Variants in DNMT3A observed in about 807,000 individuals in gnomAD.
DNMT3A encodes DNA (cytosine-5)-methyltransferase 3A.
In DNMT3A, 267 loss-of-function variants were observed where a neutral mutation model predicts 117.6. The observed-to-expected ratio is 2.27, with a 90% CI of 2.05 to 2.51. The LOEUF (loss-of-function observed/expected upper bound fraction) is 2.51, where lower values mean the gene tolerates loss of function less well. DNMT3A is among the 30% of genes most tolerant of loss of function. DNMT3A has a pLI of 0.00. For synonymous variants in DNMT3A, 432 were observed against 474.8 expected (o/e 0.91, Z 1.17); for missense variants, 1,029 against 1,260.2 (o/e 0.82, Z 2.78).
Position 25,282,000 on chromosome 2 carries a change from C to T in DNMT3A, c.448+441G>A. ...CCAGGGGCTACAAATACAGCAACCC[C>T]CAGGAACTGCATGGCACGTGGGAGA... On this transcript the variant is annotated intron_variant, in intron 4 of 22. Coordinates refer to ENST00000321117, the MANE Select transcript of DNMT3A (RefSeq NM_022552.5). This position sits in a 1 kb window ranked among gnomAD's most constrained non-coding sequence, Gnocchi z 4.8. 9.0e-7 allele frequency: 1 copy of T among 1,107,978 alleles called. No homozygotes were observed. The highest frequency in any genetic ancestry group is 1.1e-6 in the Non-Finnish European group (1 of 905,144). The allele number at this position is 1,107,978 out of a possible 1,614,324, so 68.6% of individuals were successfully genotyped here. A position where few individuals can be genotyped will look rare whatever the true frequency, so the allele number is the denominator to read the frequency against.
intron 6 of DNMT3A, among the ~76,000 whole-genome samples, chr2:25,261,644 G>C (rs1030208777): frequency 1.2e-4 from 18 of 151,178 alleles, no homozygotes; most frequent in African/African-American, 4.4e-4. Flanking sequence ...AAAATAAATA[G>C]AAATGTATAT....
At position 25,228,264 on chromosome 2, in the gene DNMT3A, AAGGATGCTGGAACCAG is replaced by A. The variant is rs1672751979; in HGVS notation, c.*5999_*6014del. ...AAAAAAAAAAAAAATACAGTGGTGA[AAGGATGCTGGAACCAG>A]GAAAAAAAAATAATAATAATAAAGG... On this transcript the variant is annotated 3_prime_UTR_variant, in exon 23 of 23. Transcript: ENST00000321117. The A allele has an allele frequency of 8.2e-6, 1 of 122,252 alleles. No individual in the cohort carries two copies. The highest frequency in any genetic ancestry group is 2.9e-5 in the African/African-American group (1 of 34,102). The allele number at this position is 122,252 out of a possible 1,614,324, so 7.6% of individuals were successfully genotyped here.
In DNMT3A at chr2:25,236,896, TC is replaced by T; in HGVS notation, c.2478+39del. 1 of 1,594,310 alleles carries T rather than the reference TC, an allele frequency of 6.3e-7. No homozygotes were observed. Among genetic ancestry groups the T allele is most frequent in the Non-Finnish European group, 8.5e-7 (1 of 1,170,062 alleles). On this transcript the variant is annotated intron_variant, in intron 21 of 22. Transcript: ENST00000321117. This position sits in a 1 kb window ranked among gnomAD's most constrained non-coding sequence, Gnocchi z 4.5. ...CTCCACCTCATCCTGCCCTTCCTTC[TC>T]CCTGCCCCCCAGCAGAGGTTCTAGA...
At chr2:25,338,554 G>A (rs1434230396) in intron 1 of DNMT3A, among the ~76,000 whole-genome samples, 1 of 152,174 alleles carries the variant, frequency 6.6e-6, no homozygotes, top group Admixed American at 6.5e-5. Context: ...AACCTGCCTC[G>A]CTGCCTCGGG....
chr2:25,340,387 C>T (rs996714510), intron 1 of DNMT3A, among the ~76,000 whole-genome samples: 2 of 152,146 alleles, frequency 1.3e-5, no homozygotes, highest in Non-Finnish European at 2.9e-5. Context: ...GGAGAGGGTG[C>T]CCCCAAGAAG....
chr2:25,245,394 G>A (rs1464102276), intron 12 of DNMT3A, 62 bp from the exon 13 acceptor site: 7 of 1,479,486 alleles, frequency 4.7e-6, no homozygotes, highest in East Asian at 2.3e-5. Context: ...TCCCCGGGCC[G>A]GAGCCCAGCA....
At position 25,240,561 on chromosome 2, in the gene DNMT3A, C is replaced by T. The variant is rs1028699228; in HGVS notation, c.2173+79G>A. On this transcript the variant is annotated intron_variant, in intron 18 of 22. Transcript: ENST00000321117. ...ACAGGGTCATCGGGAATAGCTGTCC[C>T]AGGGCAGAAATATCCAAGGAGGAAG... 39 of 1,599,610 alleles carry T rather than the reference C, an allele frequency of 2.4e-5. 1 individual carries two copies. In the South Asian group the frequency reaches 4.3e-4, roughly 17 times the overall value.
intron 6 of DNMT3A, among the ~76,000 whole-genome samples, chr2:25,250,500 C>T (rs1436074264): frequency 3.3e-5 from 5 of 152,192 alleles, no homozygotes; most frequent in Non-Finnish European, 5.9e-5. Flanking sequence ...TTGCTCATCG[C>T]TCCCTAGCCC....
Position 25,274,980 on chromosome 2 carries a change from C to T in DNMT3A, c.600G>A (p.Lys200=). The change falls in exon 6 of 23, where the codon AAG becomes AAA. Residue 200 remains lysine, a synonymous_variant. Coordinates refer to ENST00000321117, the MANE Select transcript of DNMT3A (RefSeq NM_022552.5). ...FQAGDPYYIS[K]RKRDEWLARW... ...GTGCCAGCCACTCGTCCCGCTTGCG[C>T]TTGCTGATGTAGTAGGGGTCCCCCG... 6.2e-7 allele frequency: 1 copy of T among 1,613,854 alleles called. No homozygotes were observed. The highest frequency in any genetic ancestry group is 8.5e-7 in the Non-Finnish European group (1 of 1,179,880).
Position 25,241,581 on chromosome 2 carries a change from CG to C in DNMT3A, c.2062del (p.Arg688AlafsTer17). The C allele has an allele frequency of 6.2e-7, 1 of 1,613,836 alleles. No homozygotes were observed. The highest frequency in any genetic ancestry group is 8.5e-7 in the Non-Finnish European group (1 of 1,179,900). On this transcript the variant is annotated frameshift_variant, in exon 17 of 23. Transcript: ENST00000321117. LOFTEE classifies it high-confidence loss of function. The part of the protein sequence containing the change: ...QGKIMYVGDV[R>X]SVTQKHIQEW... ...ACATACATGCTTCTGTGTGACGCTGCGGACGTCCCCGACGTACATGATCTTC... is the reference window on the plus strand; with the variant it reads ...ACATACATGCTTCTGTGTGACGCTGCGACGTCCCCGACGTACATGATCTTC...
At position 25,335,801 on chromosome 2, in the gene DNMT3A, G is replaced by A. The variant is rs141451971; in HGVS notation, c.-178+6025C>T. Among the ~76,000 whole-genome samples, 576 of 152,308 alleles carry A rather than the reference G, an allele frequency of 3.8e-3. 2 individuals carry two copies. Among genetic ancestry groups the A allele is most frequent in the African/African-American group, 0.013 (556 of 41,556 alleles). ...GACCTTGACATTTGAAACAGAAGCAGAGAGGAAAGATCAATAGGGATGGTG... is the reference window on the plus strand; with the variant it reads ...GACCTTGACATTTGAAACAGAAGCAAAGAGGAAAGATCAATAGGGATGGTG... On this transcript the variant is annotated intron_variant, in intron 1 of 22. Transcript: ENST00000321117.
At chr2:25,235,671 C>G in intron 22 of DNMT3A, 36 bp downstream of exon 22, 1 of 1,556,994 alleles carries the variant, frequency 6.4e-7, no homozygotes, top group Non-Finnish European at 8.9e-7. Context: ...ATCAGAACAG[C>G]CACACCGCAG....
At chr2:25,297,829 CTT>C (rs1276132265) in intron 3 of DNMT3A, among the ~76,000 whole-genome samples, 1 of 152,182 alleles carries the variant, frequency 6.6e-6, no homozygotes, top group Non-Finnish European at 1.5e-5. Flanking sequence ...CATTTGGACT[CTT>C]TTGCTGTTTG....
chr2:25,279,024 C>A (rs766056745), intron 4 of DNMT3A, among the ~76,000 whole-genome samples: 1 of 152,140 alleles, frequency 6.6e-6, no homozygotes, highest in Non-Finnish European at 1.5e-5. Flanking sequence ...GGTCTATGGA[C>A]CACTGTGAGT....
At chr2:25,314,326 G>T (rs1394781758) in intron 1 of DNMT3A, 165 bp from the exon 2 acceptor site, 1 of 985,136 alleles carries the variant, frequency 1.0e-6, no homozygotes, top group Non-Finnish European at 1.2e-6. Context: ...CTCCCTTCAG[G>T]GCCACCTCCT....
At chr2:25,310,357 C>T (rs58979330) in intron 2 of DNMT3A, among the ~76,000 whole-genome samples, 2,218 of 151,856 alleles carry the variant, frequency 0.015, 47 homozygotes, top group African/African-American at 0.049. Flanking sequence ...GGCCAGCCCC[C>T]TCCCTCTGCT....
Position 25,275,094 on chromosome 2 carries a change from C to G in DNMT3A, c.493-7G>C. The G allele has an allele frequency of 6.4e-7, 1 of 1,568,888 alleles. No individual in the cohort carries two copies. The highest frequency in any genetic ancestry group is 8.6e-7 in the Non-Finnish European group (1 of 1,157,274). Reference sequence around the variant, plus strand: ...GCAGCCGGCCCCGGGAGCCCTAGGACAGAGAGACAGACATTAGGGCATTAG... The same window carrying G: ...GCAGCCGGCCCCGGGAGCCCTAGGAGAGAGAGACAGACATTAGGGCATTAG... On this transcript the variant is annotated splice_region_variant and splice_polypyrimidine_tract_variant and intron_variant, in intron 5 of 22. Coordinates refer to ENST00000321117, the MANE Select transcript of DNMT3A (RefSeq NM_022552.5).
rs911743356 is a variant in DNMT3A at position 25,228,487 on chromosome 2, C to T, written c.*5792G>A. 1 of 151,932 alleles carries T rather than the reference C, an allele frequency of 6.6e-6. No homozygotes were observed. Among genetic ancestry groups the T allele is most frequent in the Non-Finnish European group, 1.5e-5 (1 of 68,018 alleles). 9.4% of individuals were successfully genotyped at this position (151,932 alleles called of 1,614,324 possible). On this transcript the variant is annotated 3_prime_UTR_variant, in exon 23 of 23. Coordinates refer to ENST00000321117, the MANE Select transcript of DNMT3A (RefSeq NM_022552.5). ...CGGAGTTTATTCTTCAGTATGAATA[C>T]ATGATTTCCCACAAATAAGTAAGCA...
chr2:25,313,815 C>A (rs1226000778), intron 2 of DNMT3A, 98 bp downstream of exon 2: 3 of 1,495,412 alleles, frequency 2.0e-6, no homozygotes, highest in African/African-American at 2.8e-5. Context: ...CTGAGTGATG[C>A]GGTCATGCAC....
Sources: gnomAD v4.1 joint callset for allele counts (sites outside exome capture counted in the v4.1 genomes callset) on GRCh38, gnomAD v4.1.1 for gene constraint, Gnocchi (gnomAD v3.1) non-coding constraint, MANE v1.5 for transcripts, NCBI Gene and HGNC (gene_info 2026-07-23, HGNC 2026-07-21) for gene names.